Variants in YARS1 observed in about 807,000 individuals in gnomAD.
The protein encoded by YARS1 is tyrosyl-tRNA synthetase 1.
A neutral mutation model predicts 62.2 loss-of-function variants in YARS1; 36 were observed. The observed-to-expected ratio is 0.58, with a 90% CI of 0.44 to 0.76. The LOEUF (loss-of-function observed/expected upper bound fraction) is 0.76, where lower values mean the gene tolerates loss of function less well. Among genes scored for constraint, YARS1 ranks in the 30% least tolerant of loss-of-function variants. The pLI is 0.00. For missense variants in YARS1, 524 were observed against 639.8 expected (o/e 0.82, Z 1.95); for synonymous variants, 234 against 244.9 (o/e 0.96, Z 0.42).
At chr1:32,796,350 GTATT>G (rs1653581887) in intron 5 of YARS1, among the ~76,000 whole-genome samples, 1 of 143,150 alleles carries the variant, frequency 7.0e-6, no homozygotes, top group African/African-American at 2.5e-5. Flanking sequence ...ATCAAAAAAT[GTATT>G]TATTTTTTTC....
At position 32,780,148 on chromosome 1, in the gene YARS1, C is replaced by T. The variant is rs745677887; in HGVS notation, c.1271G>A (p.Cys424Tyr). Residue 424 changes from cysteine (C) to tyrosine (Y), a missense_variant, in exon 11 of 13, where the codon TGC becomes TAC. Physicochemically the swap from Cys to Tyr is radical, Grantham distance 194. Coordinates refer to ENST00000373477, the MANE Select transcript of YARS1 (RefSeq NM_003680.4). ...TCTCATCTTCTGGGGTTTCAGGTTGCACAGCACCACTACCAGCCTGTCCTG... is the reference window on the plus strand; with the variant it reads ...TCTCATCTTCTGGGGTTTCAGGTTGTACAGCACCACTACCAGCCTGTCCTG... ...ELQDRLVVVL[C>Y]NLKPQKMRGV... is the part of the protein sequence containing the mutation. The T allele has an allele frequency of 1.2e-6, 2 of 1,614,166 alleles. No homozygotes were observed. The highest frequency in any genetic ancestry group is 2.7e-5 in the African/African-American group (2 of 75,022).
intron 10 of YARS1, 117 bp from the exon 11 acceptor site, chr1:32,780,395 C>A (rs1569707598): frequency 1.7e-6 from 2 of 1,197,094 alleles, no homozygotes; most frequent in East Asian, 2.4e-5. Flanking sequence ...TGGAAAGACC[C>A]CCTAGAGCTA....
chr1:32,789,157 C>T (rs2148605276), intron 6 of YARS1, among the ~76,000 whole-genome samples: 1 of 152,260 alleles, frequency 6.6e-6, no homozygotes, highest in Non-Finnish European at 1.5e-5. Flanking sequence ...ATTATATTCC[C>T]AATTATTAGT....
At chr1:32,815,267 T>C (rs1638680738) in intron 1 of YARS1, among the ~76,000 whole-genome samples, 1 of 152,254 alleles carries the variant, frequency 6.6e-6, no homozygotes, top group African/African-American at 2.4e-5. Context: ...GAGAATCACT[T>C]GAGCCCAGGA....
At chr1:32,816,052 T>A (rs1053998023) in intron 1 of YARS1, among the ~76,000 whole-genome samples, 9 of 138,164 alleles carry the variant, frequency 6.5e-5, no homozygotes, top group Non-Finnish European at 1.2e-4. Flanking sequence ...GAGGTTGCAA[T>A]GAGCCGAGAT....
chr1:32,786,345 T>G lies in YARS1; in HGVS notation c.906+17A>C. 6.2e-7 allele frequency: 1 copy of G among 1,609,002 alleles called. No individual in the cohort carries two copies. Among genetic ancestry groups the G allele is most frequent in the Non-Finnish European group, 8.5e-7 (1 of 1,175,642 alleles). On this transcript the variant is annotated intron_variant, in intron 8 of 12. Transcript: ENST00000373477. ...ATACAGATCTTCATGAAAGGATTCC[T>G]TTTCCTTTCATGTTACCTCAGCAGC...
chr1:32,790,857 G>A (rs1653392144), intron 6 of YARS1: 1 of 352,782 alleles, frequency 2.8e-6, no homozygotes, highest in South Asian at 2.7e-5. Flanking sequence ...ATGCTAATTA[G>A]TGAAATGCAA....
Position 32,786,710 on chromosome 1 carries a change from C to G in YARS1, c.820+230G>C, listed in dbSNP as rs2148603937. ...AACATGTCTGCCCCCACCCTTACTT[C>G]TAACACCTCTGCCCACTCCAGTATT... On this transcript the variant is annotated intron_variant, in intron 7 of 12. Transcript: ENST00000373477. 4 of 721,926 alleles carry G rather than the reference C, an allele frequency of 5.5e-6. No homozygotes were observed. In the South Asian group the frequency reaches 7.4e-5, roughly 13 times the overall value. 44.7% of individuals were successfully genotyped at this position (721,926 alleles called of 1,614,324 possible).
chr1:32,786,172 G>A (rs1307704454), intron 8 of YARS1, among the ~76,000 whole-genome samples, 190 bp downstream of exon 8: 1 of 152,170 alleles, frequency 6.6e-6, no homozygotes. Context: ...AAAGCTAACT[G>A]ACAAGAAACT....
rs1653005296 is a variant in YARS1 at position 32,780,170 on chromosome 1, C to T, written c.1249G>A (p.Asp417Asn). The T allele has an allele frequency of 5.0e-6, 8 of 1,614,056 alleles. No homozygotes were observed. Among genetic ancestry groups the T allele is most frequent in the Middle Eastern group, 1.6e-4 (1 of 6,084 alleles). ...VQFVPKEELQ[D>N]RLVVVLCNLK... Reference sequence around the variant, plus strand: ...TTGCACAGCACCACTACCAGCCTGTCCTGCAGTTCCTCCTTGGGCACGAAC... The same window carrying T: ...TTGCACAGCACCACTACCAGCCTGTTCTGCAGTTCCTCCTTGGGCACGAAC... The change falls in exon 11 of 13, where the codon GAC becomes AAC. Residue 417 changes from aspartate (D) to asparagine (N), a missense_variant. Asp to Asn is a conservative substitution (Grantham distance 23). Coordinates refer to ENST00000373477, the MANE Select transcript of YARS1 (RefSeq NM_003680.4).
At chr1:32,802,017 G>A (rs1312454652) in intron 4 of YARS1, among the ~76,000 whole-genome samples, 4 of 140,594 alleles carry the variant, frequency 2.8e-5, no homozygotes, top group African/African-American at 1.1e-4. Context: ...GCGGGATCTC[G>A]GCTCACTGCA....
rs1638778165 is a variant in YARS1 at position 32,817,304 on chromosome 1, C to G, written c.-60G>C. ...GCACCAGAGCCCCTTCCTGGGTCACCGTCGCCGCCGCGTGCCGGGAACTGT... is the reference window on the plus strand; with the variant it reads ...GCACCAGAGCCCCTTCCTGGGTCACGGTCGCCGCCGCGTGCCGGGAACTGT... On this transcript the variant is annotated 5_prime_UTR_variant, in exon 1 of 13. Coordinates refer to ENST00000373477, the MANE Select transcript of YARS1 (RefSeq NM_003680.4). The G allele has an allele frequency of 6.2e-7, 1 of 1,602,220 alleles. No individual in the cohort carries two copies. Among genetic ancestry groups the G allele is most frequent in the Non-Finnish European group, 8.5e-7 (1 of 1,172,388 alleles).
chr1:32,782,033 G>A (rs1229975587), intron 9 of YARS1: 4 of 129,936 alleles, frequency 3.1e-5, no homozygotes, highest in Non-Finnish European at 6.2e-5. Context: ...TCTAACTTTT[G>A]GGCTCAAGTG....
chr1:32,789,167 T>C (rs12564655), intron 6 of YARS1, among the ~76,000 whole-genome samples: 20,889 of 152,240 alleles, frequency 0.14, 1,789 homozygotes, highest in South Asian at 0.23. Context: ...CAATTATTAG[T>C]GGAAACATAA....
At position 32,779,477 on chromosome 1, in the gene YARS1, A is replaced by T; in HGVS notation, c.1381T>A (p.Ser461Thr). 21 of 1,614,210 alleles carry T rather than the reference A, an allele frequency of 1.3e-5. No homozygotes were observed. Among genetic ancestry groups the T allele is most frequent in the Non-Finnish European group, 1.8e-5 (21 of 1,180,040 alleles). Residue 461 changes from serine (S) to threonine (T), a missense_variant, in exon 12 of 13, where the codon TCT (serine) becomes ACT (threonine). Ser to Thr is a moderately conservative substitution (Grantham distance 58, BLOSUM62 1). Coordinates refer to ENST00000373477, the MANE Select transcript of YARS1 (RefSeq NM_003680.4). Reference protein sequence around the residue: ...QVEPLDPPAGSAPGEHVFVKG... With the variant: ...QVEPLDPPAGTAPGEHVFVKG... ...ACAAACACGTGCTCACCAGGAGCAG[A>T]GCCTGCCGGAGGGTCCAGAGGTTCA...
At chr1:32,808,923 T>G (rs1230865721) in intron 3 of YARS1, among the ~76,000 whole-genome samples, 1 of 152,248 alleles carries the variant, frequency 6.6e-6, no homozygotes, top group African/African-American at 2.4e-5. Context: ...ACTTTTGTTT[T>G]GGCTTACTTT....
In YARS1 at chr1:32,810,906, C is replaced by G; in HGVS notation, c.204+5G>C. 6.2e-7 allele frequency: 1 copy of G among 1,614,126 alleles called. No homozygotes were observed. Among genetic ancestry groups the G allele is most frequent in the Non-Finnish European group, 8.5e-7 (1 of 1,180,028 alleles). ...TCCCCAAGGGCTTATAGCATTAGTT[C>G]TTACCTCACACCCTGCCTTTAAGAA... On this transcript the variant is annotated splice_donor_5th_base_variant and intron_variant, in intron 2 of 12. Coordinates refer to ENST00000373477, the MANE Select transcript of YARS1 (RefSeq NM_003680.4).
At chr1:32,806,297 G>A (rs899389525) in intron 4 of YARS1, among the ~76,000 whole-genome samples, 185 bp downstream of exon 4, 1 of 152,186 alleles carries the variant, frequency 6.6e-6, no homozygotes, top group South Asian at 2.1e-4. Flanking sequence ...ACAGAGACAC[G>A]AAGTGAGCAC....
intron 4 of YARS1, among the ~76,000 whole-genome samples, chr1:32,804,883 G>A (rs1638414855): frequency 6.6e-6 from 1 of 152,136 alleles, no homozygotes. Context: ...AAGGCAGGCG[G>A]CTGGGAGGTG....
Sources: allele counts gnomAD v4.1 joint callset (sites outside exome capture counted in the v4.1 genomes callset), GRCh38; gene constraint gnomAD v4.1.1; transcripts MANE v1.5; gene names NCBI Gene and HGNC (gene_info 2026-07-23, HGNC 2026-07-21).